The following ADAMTSL1 variants were observed in gnomAD, a reference collection of about 807,000 sequenced individuals.
ADAMTSL1 encodes ADAMTS-like protein 1.
In ADAMTSL1, 126 loss-of-function variants were observed where a neutral mutation model predicts 201.8. That is an observed-to-expected ratio of 0.62 (90% CI 0.54 to 0.72). The LOEUF (loss-of-function observed/expected upper bound fraction) is 0.72. Ranked by LOEUF, ADAMTSL1 falls within the 30% of genes least tolerant of loss-of-function variation. ADAMTSL1 has a pLI of 0.00. For synonymous variants in ADAMTSL1, 1,121 were observed against 903.4 expected, an observed-to-expected ratio of 1.24 and a Z score of -4.32; for missense variants, 2,679 against 2,277.8, an observed-to-expected ratio of 1.18 and a Z score of -3.59.
chr9:18,716,813 CA>C (rs1291241499), intron 14 of ADAMTSL1, among the ~76,000 whole-genome samples: 2 of 139,948 alleles, frequency 1.4e-5, no homozygotes, highest in Admixed American at 7.6e-5. Context: ...GCATTATTCA[CA>C]ATAGCAAAGA....
intron 2 of ADAMTSL1, among the ~76,000 whole-genome samples, chr9:18,452,136 C>A (rs1453865984): frequency 2.6e-5 from 4 of 152,160 alleles, no homozygotes; most frequent in African/African-American, 9.7e-5. Flanking sequence ...TGGTCTCAAA[C>A]TCCTGACCTC....
chr9:18,886,172 A>G (rs988707874), intron 23 of ADAMTSL1, among the ~76,000 whole-genome samples: 1,051 of 66,916 alleles, frequency 0.016, 25 homozygotes, highest in African/African-American at 0.047. Flanking sequence ...ATGTGTATAT[A>G]TATATATATA....
chr9:18,209,912 G>A (rs912482508), intron 2 of ADAMTSL1, among the ~76,000 whole-genome samples: 13 of 152,134 alleles, frequency 8.5e-5, no homozygotes, highest in Non-Finnish European at 1.8e-4. Flanking sequence ...TATCTAGGCT[G>A]AGGATCTCAA....
intron 23 of ADAMTSL1, among the ~76,000 whole-genome samples, chr9:18,871,477 A>G (rs1827867289): frequency 6.6e-6 from 1 of 152,052 alleles, no homozygotes; most frequent in Non-Finnish European, 1.5e-5. Flanking sequence ...ATCTCTTGTC[A>G]TTGATTATTT....
intron 2 of ADAMTSL1, among the ~76,000 whole-genome samples, chr9:18,285,931 C>G (rs1190312819): frequency 2.6e-5 from 4 of 152,066 alleles, no homozygotes; most frequent in Non-Finnish European, 5.9e-5. Context: ...TGCACAGCCA[C>G]CACTATGTTC....
intron 2 of ADAMTSL1, among the ~76,000 whole-genome samples, chr9:18,357,077 C>T (rs1836281847): frequency 6.6e-6 from 1 of 152,148 alleles, no homozygotes; most frequent in South Asian, 2.1e-4. Flanking sequence ...CCTACACACA[C>T]ATATCAGCCA....
chr9:18,339,724 G>A (rs1222232331), intron 2 of ADAMTSL1, among the ~76,000 whole-genome samples: 1 of 152,080 alleles, frequency 6.6e-6, no homozygotes, highest in Non-Finnish European at 1.5e-5. Context: ...ACAGGTCTGA[G>A]CCACTGCTTC....
At chr9:18,753,181 T>A in intron 15 of ADAMTSL1, 117 bp from the exon 16 acceptor site, 1 of 947,678 alleles carries the variant, frequency 1.1e-6, no homozygotes, top group Non-Finnish European at 1.7e-6. Context: ...CCAGCCAATC[T>A]TGGGCTGGCA....
At chr9:18,065,047 T>G (rs1469060099) in intron 1 of ADAMTSL1, among the ~76,000 whole-genome samples, 1 of 148,992 alleles carries the variant, frequency 6.7e-6, no homozygotes, top group Non-Finnish European at 1.5e-5. Context: ...GGATTTTTAT[T>G]AAATATGTTC....
At chr9:18,046,993 G>C (rs2131650750) in intron 1 of ADAMTSL1, among the ~76,000 whole-genome samples, 1 of 152,214 alleles carries the variant, frequency 6.6e-6, no homozygotes, top group Non-Finnish European at 1.5e-5. Context: ...TGGGAGTTCA[G>C]ATGCATTGTA....
intron 2 of ADAMTSL1, among the ~76,000 whole-genome samples, chr9:18,353,406 G>T (rs1294211660): frequency 1.3e-5 from 2 of 152,128 alleles, no homozygotes; most frequent in Non-Finnish European, 1.5e-5. Context: ...ACATGAACTG[G>T]ATCAATAACT....
intron 1 of ADAMTSL1, among the ~76,000 whole-genome samples, chr9:17,956,418 C>A (rs1183649678): frequency 6.6e-6 from 1 of 152,290 alleles, no homozygotes; most frequent in Non-Finnish European, 1.5e-5. Flanking sequence ...GCAGTGTCCT[C>A]TTCTTTTGAC....
At chr9:18,127,058 T>A (rs1316185320) in intron 1 of ADAMTSL1, among the ~76,000 whole-genome samples, 2 of 152,108 alleles carry the variant, frequency 1.3e-5, no homozygotes, top group Non-Finnish European at 1.5e-5. Context: ...AGCTAGGAGT[T>A]GTAAAGACAG....
intron 5 of ADAMTSL1, among the ~76,000 whole-genome samples, chr9:18,623,165 G>T (rs1475137052): frequency 6.6e-6 from 1 of 151,848 alleles, no homozygotes; most frequent in Non-Finnish European, 1.5e-5. Context: ...CAAAGTGAGG[G>T]ATTACAGGCA....
chr9:18,417,818 C>G (rs191167835), intron 2 of ADAMTSL1, among the ~76,000 whole-genome samples: 1 of 152,192 alleles, frequency 6.6e-6, no homozygotes, highest in African/African-American at 2.4e-5. Context: ...AACACCACGT[C>G]TACCCAATCT....
At chr9:18,184,059 C>A (rs1828622115) in intron 2 of ADAMTSL1, among the ~76,000 whole-genome samples, 1 of 152,172 alleles carries the variant, frequency 6.6e-6, no homozygotes, top group Admixed American at 6.5e-5. Flanking sequence ...ATTAGTTCAT[C>A]ATCCAACAGA....
In ADAMTSL1 at chr9:18,463,533, C is replaced by T. The variant is rs567183210; in HGVS notation, c.208-41296C>T. On this transcript the variant is annotated intron_variant, in intron 2 of 29. Coordinates refer to the ADAMTSL1 transcript ENST00000680146. The stretch of plus-strand genomic sequence containing the variant: ...TGCTAAAACCCCATACCCCGTTAAA[C>T]GTTAATTCCCCATTCCCCCTTCCCT... 1.9e-3 allele frequency among the ~76,000 whole-genome samples: 289 copies of T among 152,154 alleles called. 2 individuals are homozygous for T. Among genetic ancestry groups the T allele is most frequent in the Middle Eastern group, 3.4e-3 (1 of 294 alleles).
chr9:18,145,489 C>A (rs1564025283), intron 1 of ADAMTSL1, among the ~76,000 whole-genome samples: 1 of 152,112 alleles, frequency 6.6e-6, no homozygotes, highest in Non-Finnish European at 1.5e-5. Flanking sequence ...CTACAATGAT[C>A]CTTTCACTCT....
At chr9:18,204,797 C>T (rs1342997131) in intron 2 of ADAMTSL1, among the ~76,000 whole-genome samples, 2 of 152,014 alleles carry the variant, frequency 1.3e-5, no homozygotes, top group African/African-American at 4.8e-5. Flanking sequence ...TCTGGTTGCC[C>T]TGGGCAATAA....
Sources: allele counts gnomAD v4.1 joint callset (sites outside exome capture counted in the v4.1 genomes callset), GRCh38; gene constraint gnomAD v4.1.1; transcripts MANE v1.5; gene names NCBI Gene and HGNC (gene_info 2026-07-23, HGNC 2026-07-21).